BCL2: variants seen among roughly 807,000 people sequenced by gnomAD.
The protein encoded by BCL2 is apoptosis regulator Bcl-2.
A neutral mutation model predicts 14.2 loss-of-function variants in BCL2; 1 was observed. That is an observed-to-expected ratio of 0.07 (90% CI 0.02 to 0.33). BCL2 has a LOEUF of 0.33. Among genes scored for constraint, BCL2 ranks in the 10% least tolerant of loss-of-function variants. The pLI is 0.99. For synonymous variants in BCL2, 151 were observed against 137.2 expected, an observed-to-expected ratio of 1.10 and a Z score of -0.70; for missense variants, 247 against 305.9, an observed-to-expected ratio of 0.81 and a Z score of 1.44.
chr18:63,162,668 T>C lies in BCL2; in HGVS notation c.586-33909A>G, dbSNP rs77690577. On this transcript the variant is annotated intron_variant, in intron 2 of 2. Transcript: ENST00000333681. ...TAATCCAGCTACTGTCGCCTGATTT[T>C]CTAGCACCATCTATGCTCTTGGCAC... 6.4e-3 allele frequency among the ~76,000 whole-genome samples: 967 copies of C among 152,272 alleles called. 14 individuals carry two copies. Among genetic ancestry groups the C allele is most frequent in the African/African-American group, 0.022 (926 of 41,544 alleles).
At chr18:63,301,690 C>A (rs555606929) in intron 2 of BCL2, among the ~76,000 whole-genome samples, 2 of 152,342 alleles carry the variant, frequency 1.3e-5, no homozygotes, top group African/African-American at 4.8e-5. Flanking sequence ...CAAACAGGCA[C>A]TCCGAGCTTC....
intron 2 of BCL2, among the ~76,000 whole-genome samples, chr18:63,310,918 G>A (rs1476346203): frequency 6.6e-6 from 1 of 152,070 alleles, no homozygotes. Flanking sequence ...TGTCTTCAGT[G>A]TGTGTGTTTT....
intron 2 of BCL2, among the ~76,000 whole-genome samples, chr18:63,157,344 T>C (rs1265706053): frequency 6.6e-6 from 1 of 152,128 alleles, no homozygotes; most frequent in African/African-American, 2.4e-5. Context: ...GGATTTGGGA[T>C]ATGCCGCCCA....
chr18:63,241,917 C>A (rs1911014687), intron 2 of BCL2, among the ~76,000 whole-genome samples: 1 of 152,180 alleles, frequency 6.6e-6, no homozygotes, highest in African/African-American at 2.4e-5. Context: ...TAATAGGATG[C>A]AAAGTCCTAG....
chr18:63,230,758 C>T (rs1189849069), intron 2 of BCL2, among the ~76,000 whole-genome samples: 1 of 151,724 alleles, frequency 6.6e-6, no homozygotes. Flanking sequence ...CCAAAGTTGA[C>T]ACATAAAAAT....
intron 2 of BCL2, among the ~76,000 whole-genome samples, chr18:63,211,820 C>T (rs372046954): frequency 1.7e-4 from 26 of 152,302 alleles, no homozygotes; most frequent in South Asian, 4.1e-4. Context: ...AGGTCCCCTG[C>T]GGCAGCACCA....
intron 2 of BCL2, among the ~76,000 whole-genome samples, chr18:63,247,011 G>A: frequency 6.6e-6 from 1 of 152,182 alleles, no homozygotes; most frequent in South Asian, 2.1e-4. Context: ...TTTGAGTGAT[G>A]TCTTCAACAC....
chr18:63,231,571 T>C (rs974008769), intron 2 of BCL2, among the ~76,000 whole-genome samples: 2 of 152,002 alleles, frequency 1.3e-5, no homozygotes, highest in African/African-American at 4.8e-5. Context: ...AAAATGTAAT[T>C]TTCATAAGAT....
intron 2 of BCL2, among the ~76,000 whole-genome samples, chr18:63,138,174 G>A (rs1914259643): frequency 6.6e-6 from 1 of 152,246 alleles, no homozygotes; most frequent in South Asian, 2.1e-4. Context: ...ACCAGAGTTG[G>A]CTCAGAGCAA....
intron 2 of BCL2, among the ~76,000 whole-genome samples, chr18:63,277,157 C>T (rs917662752): frequency 2.6e-5 from 4 of 152,136 alleles, no homozygotes; most frequent in East Asian, 1.9e-4. Context: ...AGGGCTCCTT[C>T]GTCACTTCCC....
chr18:63,195,122 A>T (rs910497384), intron 2 of BCL2, among the ~76,000 whole-genome samples: 1 of 152,222 alleles, frequency 6.6e-6, no homozygotes, highest in African/African-American at 2.4e-5. Context: ...CCAAGAAAAC[A>T]TCATAGTGGG....
At chr18:63,219,848 G>A (rs1910335836) in intron 2 of BCL2, among the ~76,000 whole-genome samples, 1 of 152,170 alleles carries the variant, frequency 6.6e-6, no homozygotes, top group African/African-American at 2.4e-5. Flanking sequence ...ACATAATCCA[G>A]TTTGGGGATC....
chr18:63,272,584 T>A (rs562494542), intron 2 of BCL2, among the ~76,000 whole-genome samples: 35 of 152,294 alleles, frequency 2.3e-4, no homozygotes, highest in Non-Finnish European at 4.4e-4. Context: ...AGGGAGATAA[T>A]TGGCCAATCA....
intron 2 of BCL2, among the ~76,000 whole-genome samples, chr18:63,168,180 T>C (rs929780794): frequency 1.3e-5 from 2 of 152,188 alleles, no homozygotes; most frequent in African/African-American, 4.8e-5. Context: ...CCTTGTTCCA[T>C]CCATTGCCAA....
chr18:63,307,862 G>A (rs1387363472), intron 2 of BCL2, among the ~76,000 whole-genome samples: 4 of 152,214 alleles, frequency 2.6e-5, no homozygotes, highest in Non-Finnish European at 5.9e-5. Context: ...GAATTTGCTT[G>A]TGGTTTCATT....
intron 2 of BCL2, among the ~76,000 whole-genome samples, chr18:63,195,123 T>C (rs2144655831): frequency 1.3e-5 from 2 of 152,210 alleles, no homozygotes; most frequent in South Asian, 4.2e-4. Context: ...CAAGAAAACA[T>C]CATAGTGGGG....
In BCL2 at chr18:63,316,056, G is replaced by C. The variant is rs80320375; in HGVS notation, c.585+2026C>G. On this transcript the variant is annotated intron_variant, in intron 2 of 2. Coordinates refer to ENST00000333681, the MANE Select transcript of BCL2 (RefSeq NM_000633.3). ...TTGTGGTTTGGCATCATAAAATGTA[G>C]CCTCTACATTTATCAACCTCAGATA... 12 of 152,596 alleles carry C rather than the reference G, an allele frequency of 7.9e-5. No homozygotes were observed. In the East Asian group the frequency reaches 2.3e-3, roughly 29 times the overall value. The allele number at this position is 152,596 out of a possible 1,614,324, so 9.5% of individuals were successfully genotyped here.
intron 2 of BCL2, among the ~76,000 whole-genome samples, chr18:63,309,516 T>C (rs1913240199): frequency 6.6e-6 from 1 of 152,236 alleles, no homozygotes. Context: ...TTCCTCACAT[T>C]CGACCTGCTG....
At chr18:63,194,261 T>C (rs1239060473) in intron 2 of BCL2, among the ~76,000 whole-genome samples, 1 of 152,196 alleles carries the variant, frequency 6.6e-6, no homozygotes, top group East Asian at 1.9e-4. Flanking sequence ...TGAGGCTGAA[T>C]GTGAAGGTCA....
Sources: allele counts gnomAD v4.1 joint callset (sites outside exome capture counted in the v4.1 genomes callset), GRCh38; gene constraint gnomAD v4.1.1; transcripts MANE v1.5; gene names NCBI Gene and HGNC (gene_info 2026-07-23, HGNC 2026-07-21).